The following ZSCAN32 variants were observed in gnomAD, a reference collection of about 807,000 sequenced individuals.
The protein encoded by ZSCAN32 is zinc finger and SCAN domain-containing protein 32.
Under a neutral mutation model 47.4 loss-of-function variants are expected in ZSCAN32, and 52 were observed. That is an observed-to-expected ratio of 1.10 (90% CI 0.88 to 1.38). The LOEUF (loss-of-function observed/expected upper bound fraction) is 1.38, where lower values mean the gene tolerates loss of function less well. ZSCAN32 is among the 40% of genes most tolerant of loss of function. ZSCAN32 has a pLI of 0.00. For synonymous variants in ZSCAN32, 346 were observed against 305.7 expected (o/e 1.13, Z -1.38); for missense variants, 959 against 846.0 (o/e 1.13, Z -1.66).
rs946190737 is a variant in ZSCAN32, at chr16:3,390,630, C to G, written c.533-113G>C. 6.1e-6 allele frequency: 5 copies of G among 814,072 alleles called. No individual in the cohort carries two copies. The African/African-American group carries it at 8.9e-5, about 14-fold the overall frequency. The allele number at this position is 814,072 out of a possible 1,614,324, so 50.4% of individuals were successfully genotyped here. A position where few individuals can be genotyped will look rare whatever the true frequency, so the allele number is the denominator to read the frequency against. Reference sequence around the variant, plus strand: ...GCATCAGCAGCCCCTGGCAACCCATCAGAAATACAAATTCTGGGGCCCCAC... The same window carrying G: ...GCATCAGCAGCCCCTGGCAACCCATGAGAAATACAAATTCTGGGGCCCCAC... On this transcript the variant is annotated intron_variant, in intron 3 of 6. Coordinates refer to ENST00000396852, the MANE Select transcript of ZSCAN32 (RefSeq NM_001284527.2).
intron 5 of ZSCAN32, among the ~76,000 whole-genome samples, chr16:3,388,334 T>G (rs1477246233): frequency 6.6e-6 from 1 of 152,172 alleles, no homozygotes; most frequent in Non-Finnish European, 1.5e-5. Context: ...TCATCCCTCC[T>G]CCTTCAGCAA....
intron 3 of ZSCAN32, among the ~76,000 whole-genome samples, chr16:3,391,183 T>G (rs1294532741): frequency 6.6e-6 from 1 of 152,196 alleles, no homozygotes; most frequent in African/African-American, 2.4e-5. Context: ...GATCTGTGAG[T>G]GGCCCATGGG....
chr16:3,386,182 A>G (rs1482336653), intron 5 of ZSCAN32, among the ~76,000 whole-genome samples: 5 of 152,252 alleles, frequency 3.3e-5, no homozygotes, highest in Non-Finnish European at 5.9e-5. Context: ...CAAAAGACAC[A>G]TGAAAAAATG....
intron 5 of ZSCAN32, 58 bp from the exon 6 acceptor site, chr16:3,384,999 A>C: frequency 6.4e-7 from 1 of 1,551,226 alleles, no homozygotes; most frequent in Middle Eastern, 1.7e-4. Context: ...AGGACTGTAC[A>C]TACTGCAGTG....
chr16:3,388,600 G>A (rs1200075282), intron 5 of ZSCAN32, among the ~76,000 whole-genome samples: 1 of 152,184 alleles, frequency 6.6e-6, no homozygotes. Flanking sequence ...AGATACTGTA[G>A]GCACTAAATT....
At chr16:3,398,239 T>G (rs2033560426) in intron 1 of ZSCAN32, among the ~76,000 whole-genome samples, 1 of 152,136 alleles carries the variant, frequency 6.6e-6, no homozygotes, top group Admixed American at 6.5e-5. Flanking sequence ...AGATTGGCCT[T>G]TTGAGATGCC....
intron 6 of ZSCAN32, chr16:3,384,147 G>C (rs150066545): frequency 1.8e-6 from 1 of 543,898 alleles, no homozygotes; most frequent in Admixed American, 3.6e-5. Flanking sequence ...TGAAAGGCAA[G>C]GCCATGCTAG....
rs764709398 is a variant in ZSCAN32 at position 3,384,835 on chromosome 16, G to C, written c.858C>G (p.Ile286Met). ...AGAGTCCTTCCGCCATGGCCCTGTA[G>C]ATCTGGCTGTTCTGCTGACAGGTCT... The part of the protein sequence containing the change: ...KLQTCQQNSQ[I>M]YRAMAEGLWE... Residue 286 changes from isoleucine (I) to methionine (M), a missense_variant, in exon 6 of 7, where the codon ATC (isoleucine) becomes ATG (methionine). Transcript: ENST00000396852. 3.7e-6 allele frequency: 6 copies of C among 1,614,188 alleles called. No individual in the cohort carries two copies. The highest frequency in any genetic ancestry group is 3.3e-5 in the South Asian group (3 of 91,086).
At chr16:3,385,635 T>C (rs1320021560) in intron 5 of ZSCAN32, among the ~76,000 whole-genome samples, 4 of 152,072 alleles carry the variant, frequency 2.6e-5, no homozygotes, top group African/African-American at 9.7e-5. Context: ...TCAGAAATAA[T>C]GCCGCATATC....
rs930060308 is a variant in ZSCAN32 at position 3,397,714 on chromosome 16, C to T, written c.-157G>A. On this transcript the variant is annotated 5_prime_UTR_variant, in exon 2 of 7. Coordinates refer to ENST00000396852, the MANE Select transcript of ZSCAN32 (RefSeq NM_001284527.2). ...GTCAGACATGTGTAGAGACTCACAG[C>T]GGAAAAAAAGGGCTCAACTTTGAAG... is the stretch of plus-strand genomic sequence containing the variant. 8 of 991,278 alleles carry T rather than the reference C, an allele frequency of 8.1e-6. No individual in the cohort carries two copies. Among genetic ancestry groups the T allele is most frequent in the South Asian group, 2.1e-5 (1 of 47,680 alleles). The allele number at this position is 991,278 out of a possible 1,614,324, so 61.4% of individuals were successfully genotyped here.
At chr16:3,394,116 A>G (rs1477654577) in intron 2 of ZSCAN32, among the ~76,000 whole-genome samples, 2 of 152,124 alleles carry the variant, frequency 1.3e-5, no homozygotes, top group Non-Finnish European at 1.5e-5. Context: ...AAATACAAAC[A>G]TTAGCTGGGT....
intron 3 of ZSCAN32, 33 bp downstream of exon 3, chr16:3,393,616 C>G: frequency 2.0e-6 from 3 of 1,494,338 alleles, no homozygotes; most frequent in Non-Finnish European, 2.7e-6. Context: ...TGTTCCTCAC[C>G]TGCCTCAGGT....
At chr16:3,390,274 G>C (rs1402358829) in intron 4 of ZSCAN32, 141 bp from the exon 5 acceptor site, 2 of 1,392,668 alleles carry the variant, frequency 1.4e-6, no homozygotes, top group Non-Finnish European at 1.9e-6. Flanking sequence ...CAGGTTCTGA[G>C]CCATGTGATG....
intron 5 of ZSCAN32, 41 bp from the exon 6 acceptor site, chr16:3,384,982 A>G: frequency 6.3e-7 from 1 of 1,586,398 alleles, no homozygotes; most frequent in Non-Finnish European, 8.5e-7. Flanking sequence ...TGTCAGTTAG[A>G]TCATGGAGGA....
Position 3,383,244 on chromosome 16 carries a change from G to A in ZSCAN32, c.1702C>T (p.Leu568=). 6.2e-7 allele frequency: 1 copy of A among 1,614,098 alleles called. No homozygotes were observed. ...FSERSNLTAH[L]RTHTGERPYQ... ...GGCCTCTCCCCTGTGTGAGTTCGTA[G>A]GTGGGCAGTGAGGTTGGAGCGCTCA... Residue 568 remains leucine, a synonymous_variant, in exon 7 of 7, where the codon CTA becomes TTA. Coordinates refer to ENST00000396852, the MANE Select transcript of ZSCAN32 (RefSeq NM_001284527.2).
In ZSCAN32 at chr16:3,382,511, C is replaced by T. The variant is rs2031339226; in HGVS notation, c.*341G>A. 5.2e-6 allele frequency: 1 copy of T among 191,676 alleles called. No individual in the cohort carries two copies. Among genetic ancestry groups the T allele is most frequent in the Admixed American group, 5.7e-5 (1 of 17,516 alleles). The allele number at this position is 191,676 out of a possible 1,614,324, so 11.9% of individuals were successfully genotyped here. A position where few individuals can be genotyped will look rare whatever the true frequency, so the allele number is the denominator to read the frequency against. On this transcript the variant is annotated 3_prime_UTR_variant, in exon 7 of 7. Transcript: ENST00000396852. ...AAAGGAGACACTTTCTTTCTCAGCCCTGTGTGAGGACTATGTTAGCCCAGA... is the reference window on the plus strand; with the variant it reads ...AAAGGAGACACTTTCTTTCTCAGCCTTGTGTGAGGACTATGTTAGCCCAGA...
intron 3 of ZSCAN32, among the ~76,000 whole-genome samples, chr16:3,391,940 C>T (rs2032753371): frequency 6.6e-6 from 1 of 152,078 alleles, no homozygotes; most frequent in Non-Finnish European, 1.5e-5. Flanking sequence ...CTTAAAAAAA[C>T]TTACCTAGCA....
chr16:3,389,933 C>T, intron 5 of ZSCAN32, 77 bp downstream of exon 5: 1 of 1,427,674 alleles, frequency 7.0e-7, no homozygotes, highest in Non-Finnish European at 9.4e-7. Flanking sequence ...CTCTGTCTCC[C>T]TCCCTCTCAA....
chr16:3,397,480 G>C lies in ZSCAN32; in HGVS notation c.78C>G (p.Leu26=), dbSNP rs934384968. The C allele has an allele frequency of 6.4e-7, 1 of 1,550,516 alleles. No homozygotes were observed. Among genetic ancestry groups the C allele is most frequent in the African/African-American group, 1.4e-5 (1 of 73,050 alleles). Residue 26 remains leucine (L), a synonymous_variant, in exon 2 of 7, where the codon CTC becomes CTG. Coordinates refer to ENST00000396852, the MANE Select transcript of ZSCAN32 (RefSeq NM_001284527.2). ...KDPTQGQKSA[L]QGNSPDSEAS... is the part of the protein sequence containing the mutation. ...CCTCGGAGTCAGGGCTGTTACCCTG[G>C]AGGGCTGATTTCTGGCCCTGTGTGG...
Sources: gnomAD v4.1 joint callset for allele counts (sites outside exome capture counted in the v4.1 genomes callset) on GRCh38, gnomAD v4.1.1 for gene constraint, MANE v1.5 for transcripts, NCBI Gene and HGNC (gene_info 2026-07-23, HGNC 2026-07-21) for gene names.